MLYCD: variants seen among roughly 807,000 people sequenced by gnomAD.
MLYCD encodes the protein malonyl-CoA decarboxylase.
A neutral mutation model predicts 35.8 loss-of-function variants in MLYCD; 27 were observed. That is an observed-to-expected ratio of 0.75 (90% confidence interval 0.56 to 1.04). The LOEUF (loss-of-function observed/expected upper bound fraction) is 1.04. Ranked by LOEUF, MLYCD falls within the 50% of genes least tolerant of loss-of-function variation. The probability of loss-of-function intolerance (pLI) is 0.00; values close to 1 mark genes in which losing one functional copy is unlikely to be tolerated. For missense variants in MLYCD, 917 were observed against 665.1 expected (o/e 1.38, Z -4.17); for synonymous variants, 403 against 302.4 (o/e 1.33, Z -3.45).
Position 83,920,153 on chromosome 16 carries a change from A to G in MLYCD, c.*4664A>G, listed in dbSNP as rs1389116782. ...CAGTGCACAGGAGAACCTAGTGCAC[A>G]GAACACACACCCTGTGCACAGTTTT... On this transcript the variant is annotated 3_prime_UTR_variant, in exon 5 of 5. Coordinates refer to ENST00000262430, the MANE Select transcript of MLYCD (RefSeq NM_012213.3). 6.6e-6 allele frequency: 1 copy of G among 152,300 alleles called. No homozygotes were observed. Among genetic ancestry groups the G allele is most frequent in the East Asian group, 1.9e-4 (1 of 5,196 alleles). The allele number at this position is 152,300 out of a possible 1,614,324, so 9.4% of individuals were successfully genotyped here. A position where few individuals can be genotyped will look rare whatever the true frequency, so the allele number is the denominator to read the frequency against.
intron 1 of MLYCD, among the ~76,000 whole-genome samples, chr16:83,904,710 G>C (rs895938381): frequency 6.6e-6 from 1 of 152,222 alleles, no homozygotes; most frequent in Non-Finnish European, 1.5e-5. Flanking sequence ...TGGTCCAGCT[G>C]TCTATCTAAT....
chr16:83,899,793 G>C (rs938561594), intron 1 of MLYCD, 121 bp downstream of exon 1: 1 of 1,248,984 alleles, frequency 8.0e-7, no homozygotes, highest in African/African-American at 1.6e-5. Flanking sequence ...CGCTCACTTC[G>C]CCCGCAGTTA....
intron 1 of MLYCD, among the ~76,000 whole-genome samples, chr16:83,901,780 A>AG (rs1433302774): frequency 1.8e-4 from 27 of 152,248 alleles, no homozygotes; most frequent in African/African-American, 5.8e-4. Flanking sequence ...GAGGCTGCTG[A>AG]GTCCTTAGAC....
At chr16:83,914,697 T>G in intron 4 of MLYCD, 1 of 496,716 alleles carries the variant, frequency 2.0e-6, no homozygotes, top group Non-Finnish European at 3.6e-6. Flanking sequence ...GAGGATGGCT[T>G]GGACCCAGGA....
At position 83,899,664 on chromosome 16, in the gene MLYCD, GA is replaced by G. The variant is rs1906710218; in HGVS notation, c.521del (p.Asp174AlafsTer5). ...GGCCCTCAAGCTGGTGGAGGGGCCG[GA>G]CGTCCGGGTAAGGGGCCGCCGTCGA... ...AQALKLVEGP[D>X]VREMNGVLKG... On this transcript the variant is annotated frameshift_variant, in exon 1 of 5. Coordinates refer to ENST00000262430, the MANE Select transcript of MLYCD (RefSeq NM_012213.3). LOFTEE classifies it high-confidence loss of function. 2 of 1,526,850 alleles carry G rather than the reference GA, an allele frequency of 1.3e-6. No individual in the cohort carries two copies. Among genetic ancestry groups the G allele is most frequent in the Non-Finnish European group, 1.7e-6 (2 of 1,143,906 alleles). The allele number at this position is 1,526,850 out of a possible 1,614,324, so 94.6% of individuals were successfully genotyped here.
At chr16:83,911,787 A>C in intron 3 of MLYCD, 1 of 225,418 alleles carries the variant, frequency 4.4e-6, no homozygotes, top group Non-Finnish European at 8.9e-6. Context: ...AAAAGGAGGA[A>C]AAACAATTCA....
In MLYCD at chr16:83,925,070, G is replaced by C. The variant is rs1462405019; in HGVS notation, c.*9581G>C. 6.6e-6 allele frequency: 1 copy of C among 152,296 alleles called. No individual in the cohort carries two copies. Among genetic ancestry groups the C allele is most frequent in the Non-Finnish European group, 1.5e-5 (1 of 68,118 alleles). The allele number at this position is 152,296 out of a possible 1,614,324, so 9.4% of individuals were successfully genotyped here. A position where few individuals can be genotyped will look rare whatever the true frequency, so the allele number is the denominator to read the frequency against. ...GTTTGCCGGGGACAGGCCCTGTCTG[G>C]GGCCCTGGTGTGGCATCATTGTTAA... On this transcript the variant is annotated 3_prime_UTR_variant, in exon 5 of 5. Coordinates refer to ENST00000262430, the MANE Select transcript of MLYCD (RefSeq NM_012213.3).
chr16:83,912,245 G>C lies in MLYCD; in HGVS notation c.826G>C (p.Glu276Gln), dbSNP rs774327640. The change falls in exon 4 of 5, where the codon GAA becomes CAA. Residue 276 changes from glutamate to glutamine, a missense_variant. Physicochemically the swap from Glu to Gln is conservative, Grantham distance 29. Coordinates refer to ENST00000262430, the MANE Select transcript of MLYCD (RefSeq NM_012213.3). ...AATCGTGAAGGAACATCCTCCATCA[G>C]AAACAGAAGAGAAGAACAAAATCAC... ...QAIVKEHPPS[E>Q]TEEKNKITAA... 5 of 1,614,192 alleles carry C rather than the reference G, an allele frequency of 3.1e-6. No individual in the cohort carries two copies. In the African/African-American group the frequency reaches 5.3e-5, roughly 17 times the overall value.
Position 83,905,599 on chromosome 16 carries a change from C to T in MLYCD, c.529-1388C>T, listed in dbSNP as rs373183752. Among the ~76,000 whole-genome samples the T allele has an allele frequency of 9.2e-5, 14 of 152,262 alleles. No homozygotes were observed. In the East Asian group the frequency reaches 2.1e-3, roughly 23 times the overall value. On this transcript the variant is annotated intron_variant, in intron 1 of 4. Coordinates refer to ENST00000262430, the MANE Select transcript of MLYCD (RefSeq NM_012213.3). ...CCCAGGATGGCTGCTCCAATGCCAG[C>T]CATCACACCGCCTTCCAGTCTGCAG...
chr16:83,915,040 C>T lies in MLYCD; in HGVS notation c.1033C>T (p.Gln345Ter). 4 of 1,614,242 alleles carry T rather than the reference C, an allele frequency of 2.5e-6. No homozygotes were observed. Among genetic ancestry groups the T allele is most frequent in the Non-Finnish European group, 3.4e-6 (4 of 1,180,050 alleles). ...TKWLLGLLNS[Q>*]TKEHGRNELF... ...ATGGCTTCTGGGGCTTCTGAACTCGCAAACGAAGGAGCATGGGAGGAATGA... is the reference window on the plus strand; with the variant it reads ...ATGGCTTCTGGGGCTTCTGAACTCGTAAACGAAGGAGCATGGGAGGAATGA... The change falls in exon 5 of 5, where the codon CAA (glutamine) becomes TAA (stop). Residue 345 changes from glutamine (Q) to a stop codon, truncating the protein, a stop_gained. Coordinates refer to ENST00000262430, the MANE Select transcript of MLYCD (RefSeq NM_012213.3). LOFTEE classifies it high-confidence loss of function.
chr16:83,912,583 C>CA (rs1220292262), intron 4 of MLYCD: 1 of 616,772 alleles, frequency 1.6e-6, no homozygotes, highest in Non-Finnish European at 2.8e-6. Flanking sequence ...GCCTCCAACC[C>CA]AGCTGCCCAG....
Position 83,918,412 on chromosome 16 carries a change from C to T in MLYCD, c.*2923C>T, listed in dbSNP as rs1335733816. The T allele has an allele frequency of 6.8e-6, 1 of 147,806 alleles. No individual in the cohort carries two copies. The highest frequency in any genetic ancestry group is 1.5e-5 in the Non-Finnish European group (1 of 67,574). 9.2% of individuals were successfully genotyped at this position (147,806 alleles called of 1,614,324 possible). A position where few individuals can be genotyped will look rare whatever the true frequency, so the allele number is the denominator to read the frequency against. ...TTCACACACAGTGCACAGGAGAACA[C>T]ACAGTGCACAGGAGAACACATGGTG... is the stretch of plus-strand genomic sequence containing the variant. On this transcript the variant is annotated 3_prime_UTR_variant, in exon 5 of 5. Transcript: ENST00000262430.
chr16:83,912,033 C>A, intron 3 of MLYCD, 185 bp from the exon 4 acceptor site: 2 of 795,566 alleles, frequency 2.5e-6, no homozygotes, highest in Non-Finnish European at 2.1e-6. Flanking sequence ...GGAGTCGCCT[C>A]CTCCAGAGAG....
Position 83,915,236 on chromosome 16 carries a change from A to G in MLYCD, c.1229A>G (p.Lys410Arg). The G allele has an allele frequency of 6.2e-7, 1 of 1,613,372 alleles. No individual in the cohort carries two copies. The highest frequency in any genetic ancestry group is 8.5e-7 in the Non-Finnish European group (1 of 1,179,362). The change falls in exon 5 of 5, where the codon AAG (lysine) becomes AGG (arginine). Residue 410 changes from lysine to arginine, a missense_variant. By Grantham distance (26) the Lys-to-Arg change is conservative (BLOSUM62 2). Transcript: ENST00000262430. ...TGCGCCTGGTACCTGTATGGAGAGA[A>G]GCACCGCGGCTACGCGCTGAACCCC... ...RLCAWYLYGEKHRGYALNPVA... is the reference protein window; with the variant it reads ...RLCAWYLYGERHRGYALNPVA...
In MLYCD at chr16:83,916,029, A is replaced by G. The variant is rs1036862558; in HGVS notation, c.*540A>G. ...TCATAAATGTATGAGAAGGTTTGTG[A>G]TTTTGCACAAGGTGTGTGTAGTAAG... On this transcript the variant is annotated 3_prime_UTR_variant, in exon 5 of 5. Coordinates refer to ENST00000262430, the MANE Select transcript of MLYCD (RefSeq NM_012213.3). The G allele has an allele frequency of 1.8e-5, 18 of 1,005,576 alleles. No individual in the cohort carries two copies. The South Asian group carries it at 7.2e-4, about 40-fold the overall frequency. 62.3% of individuals were successfully genotyped at this position (1,005,576 alleles called of 1,614,324 possible). A position where few individuals can be genotyped will look rare whatever the true frequency, so the allele number is the denominator to read the frequency against.
chr16:83,899,321 G>C lies in MLYCD; in HGVS notation c.177G>C (p.Lys59Asn), dbSNP rs1906689294. Residue 59 changes from lysine (K) to asparagine (N), a missense_variant, in exon 1 of 5, where the codon AAG becomes AAC. Physicochemically the swap from Lys to Asn is moderately conservative, Grantham distance 94 (BLOSUM62 0). Coordinates refer to ENST00000262430, the MANE Select transcript of MLYCD (RefSeq NM_012213.3). ...PPTPAYELRE[K>N]TPAPAEGQCA... ...CGCCGGCCTACGAGCTGCGCGAGAAGACACCGGCGCCCGCCGAGGGTCAGT... is the reference window on the plus strand; with the variant it reads ...CGCCGGCCTACGAGCTGCGCGAGAACACACCGGCGCCCGCCGAGGGTCAGT... 9.3e-6 allele frequency: 14 copies of C among 1,499,738 alleles called. No homozygotes were observed. Among genetic ancestry groups the C allele is most frequent in the Non-Finnish European group, 1.2e-5 (14 of 1,131,584 alleles). The allele number at this position is 1,499,738 out of a possible 1,614,324, so 92.9% of individuals were successfully genotyped here. A position where few individuals can be genotyped will look rare whatever the true frequency, so the allele number is the denominator to read the frequency against.
chr16:83,905,442 T>C (rs1386769550), intron 1 of MLYCD, among the ~76,000 whole-genome samples: 1 of 152,118 alleles, frequency 6.6e-6, no homozygotes, highest in Non-Finnish European at 1.5e-5. Flanking sequence ...ATGACAGAAG[T>C]TTGTCTGTCA....
Position 83,899,686 on chromosome 16 carries a change from G to T in MLYCD, c.528+14G>T. 2.0e-6 allele frequency: 3 copies of T among 1,509,620 alleles called. No individual in the cohort carries two copies. The highest frequency in any genetic ancestry group is 2.6e-6 in the Non-Finnish European group (3 of 1,134,772). 93.5% of individuals were successfully genotyped at this position (1,509,620 alleles called of 1,614,324 possible). A position where few individuals can be genotyped will look rare whatever the true frequency, so the allele number is the denominator to read the frequency against. On this transcript the variant is annotated intron_variant, in intron 1 of 4. Transcript: ENST00000262430. ...CCGGACGTCCGGGTAAGGGGCCGCC[G>T]TCGATCCCCCGGCAGCGCGGACTGG...
chr16:83,917,274 A>C lies in MLYCD; in HGVS notation c.*1785A>C, dbSNP rs1490416195. On this transcript the variant is annotated 3_prime_UTR_variant, in exon 5 of 5. Coordinates refer to ENST00000262430, the MANE Select transcript of MLYCD (RefSeq NM_012213.3). ...GTGCCCGAGCGTCTCTGTGTGGATC[A>C]GTGCACGTCTGTGTGCGTGTGCACA... The C allele has an allele frequency of 7.3e-6, 1 of 137,810 alleles. No homozygotes were observed. The highest frequency in any genetic ancestry group is 1.5e-5 in the Non-Finnish European group (1 of 65,282). The allele number at this position is 137,810 out of a possible 1,614,324, so 8.5% of individuals were successfully genotyped here.
Sources: allele counts gnomAD v4.1 joint callset (sites outside exome capture counted in the v4.1 genomes callset), GRCh38; gene constraint gnomAD v4.1.1; transcripts MANE v1.5; gene names NCBI Gene and HGNC (gene_info 2026-07-23, HGNC 2026-07-21).